Variants in ZZZ3 observed in about 807,000 individuals in gnomAD.
ZZZ3 encodes ZZ-type zinc finger-containing protein 3.
A neutral mutation model predicts 95.2 loss-of-function variants in ZZZ3; 22 were observed. The observed-to-expected ratio is 0.23, with a 90% CI of 0.17 to 0.33. The LOEUF (loss-of-function observed/expected upper bound fraction) is 0.33. Ranked by LOEUF, ZZZ3 falls within the 10% of genes least tolerant of loss-of-function variation. The pLI, the probability that ZZZ3 is intolerant of heterozygous loss-of-function variation, is 1.00. For synonymous variants in ZZZ3, 335 were observed against 358.9 expected (o/e 0.93, Z 0.75); for missense variants, 885 against 1,066.5 (o/e 0.83, Z 2.37).
At chr1:77,609,238 T>A (rs1180319171) in intron 5 of ZZZ3, among the ~76,000 whole-genome samples, 1 of 152,176 alleles carries the variant, frequency 6.6e-6, no homozygotes, top group African/African-American at 2.4e-5. Context: ...GGAATAGCTA[T>A]ACTTTTATCA....
intron 13 of ZZZ3, among the ~76,000 whole-genome samples, 164 bp downstream of exon 13, chr1:77,568,168 A>T (rs1281272332): frequency 6.6e-6 from 1 of 152,154 alleles, no homozygotes; most frequent in Admixed American, 6.5e-5. Context: ...AATCCCAGCT[A>T]CTTGGGTGGC....
intron 13 of ZZZ3, 139 bp from the exon 14 acceptor site, chr1:77,566,320 A>G: frequency 2.0e-6 from 1 of 506,064 alleles, no homozygotes; most frequent in East Asian, 3.4e-5. Flanking sequence ...TAACACACAA[A>G]TGGTTATGTG....
chr1:77,617,041 AAGT>A (rs1158696991), intron 5 of ZZZ3, among the ~76,000 whole-genome samples: 8 of 152,110 alleles, frequency 5.3e-5, no homozygotes, highest in African/African-American at 1.9e-4. Context: ...AAAAACCTCT[AAGT>A]AGTATTTTCT....
At chr1:77,664,579 A>G (rs1385011591) in intron 1 of ZZZ3, among the ~76,000 whole-genome samples, 2 of 152,112 alleles carry the variant, frequency 1.3e-5, no homozygotes, top group African/African-American at 4.8e-5. Flanking sequence ...TGAATTCCAT[A>G]TTTTTTTAAT....
intron 13 of ZZZ3, 29 bp from the exon 14 acceptor site, chr1:77,566,210 T>TA (rs746371912): frequency 1.4e-6 from 2 of 1,472,238 alleles, no homozygotes; most frequent in South Asian, 2.4e-5. Context: ...GAAAATGTAT[T>TA]AAGTTATACT....
rs1247764993 is a variant in ZZZ3, at chr1:77,562,834, G to C, written c.*2806C>G. ...TAACACCTAGTGTTGCCTGACACAAGGGGAAATTCCTGCTCAGGAAACAGG... is the reference window on the plus strand; with the variant it reads ...TAACACCTAGTGTTGCCTGACACAACGGGAAATTCCTGCTCAGGAAACAGG... On this transcript the variant is annotated 3_prime_UTR_variant, in exon 15 of 15. Transcript: ENST00000370801. 1.3e-5 allele frequency: 2 copies of C among 152,508 alleles called. No homozygotes were observed. Among genetic ancestry groups the C allele is most frequent in the African/African-American group, 4.8e-5 (2 of 41,436 alleles). 9.4% of individuals were successfully genotyped at this position (152,508 alleles called of 1,614,324 possible).
chr1:77,568,934 C>A (rs1268620724), intron 12 of ZZZ3, among the ~76,000 whole-genome samples: 1 of 152,080 alleles, frequency 6.6e-6, no homozygotes, highest in Non-Finnish European at 1.5e-5. Flanking sequence ...CTCTGTACTC[C>A]CAATGATCAA....
intron 5 of ZZZ3, among the ~76,000 whole-genome samples, chr1:77,616,308 G>A (rs1311004967): frequency 6.6e-6 from 1 of 152,178 alleles, no homozygotes; most frequent in East Asian, 1.9e-4. Flanking sequence ...AAATGTCAGT[G>A]CAGTTTTAAA....
In ZZZ3 at chr1:77,564,508, T is replaced by C. The variant is rs1020623852; in HGVS notation, c.*1132A>G. 1 of 151,882 alleles carries C rather than the reference T, an allele frequency of 6.6e-6. No individual in the cohort carries two copies. Among genetic ancestry groups the C allele is most frequent in the African/African-American group, 2.4e-5 (1 of 41,288 alleles). 9.4% of individuals were successfully genotyped at this position (151,882 alleles called of 1,614,324 possible). Reference sequence around the variant, plus strand: ...GGAAGTCACAACAAGCATTCTATAATATAAACAGACAGTATCCACATAGTT... The same window carrying C: ...GGAAGTCACAACAAGCATTCTATAACATAAACAGACAGTATCCACATAGTT... On this transcript the variant is annotated 3_prime_UTR_variant, in exon 15 of 15. Transcript: ENST00000370801.
intron 1 of ZZZ3, among the ~76,000 whole-genome samples, chr1:77,682,054 T>C (rs1672817520): frequency 6.6e-6 from 1 of 152,072 alleles, no homozygotes; most frequent in African/African-American, 2.4e-5. Context: ...TACAAAATGA[T>C]GAAAAGCAGG....
chr1:77,630,845 C>T (rs886888135), intron 5 of ZZZ3, among the ~76,000 whole-genome samples: 11 of 152,174 alleles, frequency 7.2e-5, no homozygotes, highest in Non-Finnish European at 1.2e-4. Context: ...TGATCTGACA[C>T]ATACCAGGGT....
chr1:77,590,798 T>C (rs921618995), intron 5 of ZZZ3, among the ~76,000 whole-genome samples: 8 of 152,238 alleles, frequency 5.3e-5, no homozygotes, highest in Non-Finnish European at 8.8e-5. Context: ...CCCTTCTTTT[T>C]AGGAGATATT....
chr1:77,649,830 G>A (rs1031304619), intron 1 of ZZZ3, among the ~76,000 whole-genome samples: 11 of 150,746 alleles, frequency 7.3e-5, no homozygotes, highest in African/African-American at 2.4e-4. Context: ...CCGAGATTGC[G>A]CCATGGCACT....
intron 1 of ZZZ3, among the ~76,000 whole-genome samples, chr1:77,671,673 GTATCT>G (rs1295758761): frequency 6.6e-6 from 1 of 152,092 alleles, no homozygotes; most frequent in Non-Finnish European, 1.5e-5. Flanking sequence ...AATGAATAGA[GTATCT>G]AGCATGTATC....
At chr1:77,566,839 C>T (rs1170611627) in intron 13 of ZZZ3, among the ~76,000 whole-genome samples, 1 of 152,166 alleles carries the variant, frequency 6.6e-6, no homozygotes, top group Non-Finnish European at 1.5e-5. Flanking sequence ...GTGTTCTGTG[C>T]ACTTTTGGAA....
At chr1:77,651,597 C>T (rs992462195) in intron 1 of ZZZ3, among the ~76,000 whole-genome samples, 6 of 152,200 alleles carry the variant, frequency 3.9e-5, no homozygotes, top group African/African-American at 1.4e-4. Context: ...GGAAATGTCA[C>T]GTCATTGCTT....
At chr1:77,638,525 A>G (rs1668493010) in intron 4 of ZZZ3, among the ~76,000 whole-genome samples, 1 of 152,220 alleles carries the variant, frequency 6.6e-6, no homozygotes, top group South Asian at 2.1e-4. Flanking sequence ...AGAAATTTCA[A>G]AAAGATATTT....
chr1:77,615,926 C>T (rs1034626705), intron 5 of ZZZ3, among the ~76,000 whole-genome samples: 5 of 152,078 alleles, frequency 3.3e-5, no homozygotes, highest in Admixed American at 3.3e-4. Flanking sequence ...CAAAGGGCCC[C>T]CCCACCACAC....
chr1:77,634,284 G>A (rs964134542), intron 4 of ZZZ3, among the ~76,000 whole-genome samples: 8 of 151,988 alleles, frequency 5.3e-5, no homozygotes, highest in Non-Finnish European at 8.8e-5. Context: ...AAATGTTCCC[G>A]GTATACAGAA....
Sources: allele counts gnomAD v4.1 joint callset (sites outside exome capture counted in the v4.1 genomes callset), GRCh38; gene constraint gnomAD v4.1.1; transcripts MANE v1.5; gene names NCBI Gene and HGNC (gene_info 2026-07-23, HGNC 2026-07-21).